DHX8: variants seen among roughly 807,000 people sequenced by gnomAD.
DHX8 encodes ATP-dependent RNA helicase DHX8.
A neutral mutation model predicts 140.7 loss-of-function variants in DHX8; 67 were observed. The observed-to-expected ratio is 0.48, with a 90% CI of 0.39 to 0.58. DHX8 has a LOEUF of 0.58. Ranked by LOEUF, DHX8 falls within the 20% of genes least tolerant of loss-of-function variation. DHX8 has a pLI of 0.00. For synonymous variants in DHX8, 533 were observed against 553.2 expected, an observed-to-expected ratio of 0.96 and a Z score of 0.51; for missense variants, 887 against 1,550.7, an observed-to-expected ratio of 0.57 and a Z score of 7.19.
At chr17:43,490,289 A>G in intron 2 of DHX8, 102 bp from the exon 3 acceptor site, 1 of 822,812 alleles carries the variant, frequency 1.2e-6, no homozygotes, top group East Asian at 2.5e-5. Context: ...GCTAAATTCA[A>G]GTGCGTAACC....
Position 43,493,008 on chromosome 17 carries a change from G to A in DHX8, c.831G>A (p.Gln277=), listed in dbSNP as rs1379495248. The A allele has an allele frequency of 6.2e-7, 1 of 1,614,074 alleles. No individual in the cohort carries two copies. Among genetic ancestry groups the A allele is most frequent in the South Asian group, 1.1e-5 (1 of 91,084 alleles). Reference sequence around the variant, plus strand: ...ATGGCAAAGTTACCAGCATCATGCAGTTTGGTTGCTTTGTGCAGCTGGAAG... The same window carrying A: ...ATGGCAAAGTTACCAGCATCATGCAATTTGGTTGCTTTGTGCAGCTGGAAG... ...IYNGKVTSIM[Q]FGCFVQLEGL... is the part of the protein sequence containing the mutation. Residue 277 remains glutamine, a synonymous_variant, in exon 6 of 23, where the codon CAG becomes CAA. Coordinates refer to ENST00000262415, the MANE Select transcript of DHX8 (RefSeq NM_004941.3).
At chr17:43,526,637 G>T (rs150173376), downstream of DHX8, 202 of 1,532,514 alleles carry the variant, frequency 1.3e-4, no homozygotes, top group African/African-American at 2.4e-3. Flanking sequence ...ATCTCAGCTT[G>T]TGGAGACCTT....
At chr17:43,526,532 C>G, downstream of DHX8, 1 of 1,535,684 alleles carries the variant, frequency 6.5e-7, no homozygotes, top group South Asian at 1.2e-5. Flanking sequence ...CTGTAGCTGT[C>G]TCATTGGAGC....
rs762051972 is a variant in DHX8, at chr17:43,536,521, G to T, written c.*20+23G>T. 3.8e-6 allele frequency: 6 copies of T among 1,592,700 alleles called. No individual in the cohort carries two copies. In the African/African-American group the frequency reaches 8.0e-5, roughly 21 times the overall value. On this transcript the variant is annotated intron_variant, in intron 3 of 3. Coordinates refer to the DHX8 transcript ENST00000589898. ...GAGGTGAGTTTGGGGCGGAGCCCTG[G>T]TTGTCCCCTGGGAGGCTCCATTATT...
chr17:43,484,030 C>A lies in DHX8; in HGVS notation c.-8C>A. 1 of 1,614,048 alleles carries A rather than the reference C, an allele frequency of 6.2e-7. No homozygotes were observed. Among genetic ancestry groups the A allele is most frequent in the East Asian group, 2.2e-5 (1 of 44,884 alleles). On this transcript the variant is annotated 5_prime_UTR_variant, in exon 1 of 23. Coordinates refer to ENST00000262415, the MANE Select transcript of DHX8 (RefSeq NM_004941.3). ...TGTGAGGAAGGAGGTTCTGGGCAAG[C>A]TATAGCCATGGCTGTGGCTGTAGCC...
intron 3 of DHX8, among the ~76,000 whole-genome samples, chr17:43,538,000 G>A (rs1434687899): frequency 1.3e-5 from 2 of 152,124 alleles, no homozygotes; most frequent in East Asian, 3.9e-4. Context: ...TGTGGTGGCG[G>A]GTGCCTGTAG....
In DHX8 at chr17:43,506,982, T is replaced by C. The variant is rs200455299; in HGVS notation, c.1729-21T>C. 8.2e-4 allele frequency: 1,274 copies of C among 1,550,624 alleles called. 21 individuals carry two copies. The South Asian group carries it at 0.011, about 14-fold the overall frequency. ...ATTCTGGCAGATTTTAATGACCATA[T>C]TTATATTCTGTTGCTTTCAGGCCGT... is the stretch of plus-strand genomic sequence containing the variant. On this transcript the variant is annotated intron_variant, in intron 12 of 22. Coordinates refer to ENST00000262415, the MANE Select transcript of DHX8 (RefSeq NM_004941.3).
intron 7 of DHX8, 33 bp downstream of exon 7, chr17:43,493,622 G>A (rs922206110): frequency 1.7e-5 from 27 of 1,614,018 alleles, no homozygotes; most frequent in Non-Finnish European, 2.3e-5. Flanking sequence ...TCTTACATGT[G>A]ATGGCCAAGG....
chr17:43,521,853 C>G (rs1433320952), intron 21 of DHX8, among the ~76,000 whole-genome samples, 194 bp from the exon 22 acceptor site: 1 of 152,194 alleles, frequency 6.6e-6, no homozygotes, highest in Non-Finnish European at 1.5e-5. Context: ...GAATACCTGT[C>G]TAAACAAAGT....
intron 18 of DHX8, 29 bp from the exon 19 acceptor site, chr17:43,520,101 A>G (rs1970303148): frequency 1.2e-6 from 2 of 1,613,678 alleles, no homozygotes; most frequent in Admixed American, 1.7e-5. Context: ...TGACCCTCTT[A>G]TCACATGCCT....
In DHX8 at chr17:43,500,208, G is replaced by A. The variant is rs139931651; in HGVS notation, c.1546+105G>A. 534 of 1,319,754 alleles carry A rather than the reference G, an allele frequency of 4.0e-4. 3 individuals carry two copies. The African/African-American group carries it at 6.1e-3, about 15-fold the overall frequency. 81.8% of individuals were successfully genotyped at this position (1,319,754 alleles called of 1,614,324 possible). A position where few individuals can be genotyped will look rare whatever the true frequency, so the allele number is the denominator to read the frequency against. Reference sequence around the variant, plus strand: ...CACACTAAAAATTTACCCTTGGGCCGGGGCGGTGGCTCATGCCTGTAATCC... The same window carrying A: ...CACACTAAAAATTTACCCTTGGGCCAGGGCGGTGGCTCATGCCTGTAATCC... On this transcript the variant is annotated intron_variant, in intron 11 of 22. Transcript: ENST00000262415.
chr17:43,531,661 C>G (rs1397985696), downstream of DHX8, among the ~76,000 whole-genome samples: 1 of 152,182 alleles, frequency 6.6e-6, no homozygotes, highest in Non-Finnish European at 1.5e-5. Context: ...GAGAGCAAGA[C>G]TCCATCTCAA....
In DHX8 at chr17:43,484,137, G is replaced by T; in HGVS notation, c.100G>T (p.Val34Phe). The T allele has an allele frequency of 6.2e-7, 1 of 1,614,202 alleles. No homozygotes were observed. Among genetic ancestry groups the T allele is most frequent in the Non-Finnish European group, 8.5e-7 (1 of 1,180,038 alleles). The change falls in exon 1 of 23, where the codon GTT (valine) becomes TTT (phenylalanine). Residue 34 changes from valine to phenylalanine, a missense_variant. Around this residue, in one of 9 missense-constraint regions of DHX8, gnomAD observed 8 missense variants for 26.2 expected, o/e 0.31. Transcript: ENST00000262415. ...KLEYLSLVSK[V>F]CTELDNHLGI... is the part of the protein sequence containing the mutation. ...CGAGTACCTGTCTTTGGTGTCAAAG[G>T]TTTGCACTGAGCTGGACAATCACTT...
At chr17:43,543,985 C>G (rs1002561889) in intron 3 of DHX8, 13 of 151,908 alleles carry the variant, frequency 8.6e-5, no homozygotes, top group Non-Finnish European at 1.5e-4. Context: ...AATTAGATAC[C>G]CAGGGTGGAG....
At chr17:43,543,608 C>T (rs1178099842) in intron 3 of DHX8, among the ~76,000 whole-genome samples, 1 of 152,152 alleles carries the variant, frequency 6.6e-6, no homozygotes, top group Non-Finnish European at 1.5e-5. Context: ...AAACTGACAC[C>T]TCTGCATTCT....
Position 43,507,950 on chromosome 17 carries a change from G to C in DHX8, c.2251G>C (p.Glu751Gln). 2 of 1,614,172 alleles carry C rather than the reference G, an allele frequency of 1.2e-6. No individual in the cohort carries two copies. Among genetic ancestry groups the C allele is most frequent in the Non-Finnish European group, 1.7e-6 (2 of 1,180,030 alleles). ...TYPVEILYTK[E>Q]PETDYLDASL... is the part of the protein sequence containing the mutation. The stretch of plus-strand genomic sequence containing the variant: ...TCCAGTGGAAATACTGTACACAAAG[G>C]AACCTGAGACAGATTATCTGGATGC... Residue 751 changes from glutamate to glutamine, a missense_variant, in exon 15 of 23, where the codon GAA (glutamate) becomes CAA (glutamine). By Grantham distance (29) the Glu-to-Gln change is conservative. Coordinates refer to ENST00000262415, the MANE Select transcript of DHX8 (RefSeq NM_004941.3).
In DHX8 at chr17:43,525,583, C is replaced by T. The variant is rs1970585651; in HGVS notation, c.*1736C>T. ...CTGGGGAGAGACAGTACAGGGACCT[C>T]AAATGAAACCAAAGGGGAAACGGGG... On this transcript the variant is annotated 3_prime_UTR_variant, in exon 23 of 23. Transcript: ENST00000262415. 1 of 985,380 alleles carries T rather than the reference C, an allele frequency of 1.0e-6. No homozygotes were observed. Among genetic ancestry groups the T allele is most frequent in the Non-Finnish European group, 1.2e-6 (1 of 830,038 alleles). The allele number at this position is 985,380 out of a possible 1,614,324, so 61.0% of individuals were successfully genotyped here.
At chr17:43,513,208 TG>T (rs1423721148) in intron 16 of DHX8, among the ~76,000 whole-genome samples, 153 bp from the exon 17 acceptor site, 1 of 152,194 alleles carries the variant, frequency 6.6e-6, no homozygotes, top group African/African-American at 2.4e-5. Context: ...CTTCTGCTGT[TG>T]GAGGCTGAGC....
chr17:43,531,769 C>T (rs1970950104), downstream of DHX8, among the ~76,000 whole-genome samples: 1 of 152,156 alleles, frequency 6.6e-6, no homozygotes, highest in South Asian at 2.1e-4. Flanking sequence ...GAACCATGAG[C>T]CTGGCTAGTT....
Sources: gnomAD v4.1 joint callset for allele counts (sites outside exome capture counted in the v4.1 genomes callset) on GRCh38, gnomAD v4.1.1 for gene constraint, gnomAD v4.1.1 regional missense constraint, MANE v1.5 for transcripts, NCBI Gene and HGNC (gene_info 2026-07-23, HGNC 2026-07-21) for gene names.